The following OR3A2 variants were observed in gnomAD, a reference collection of about 807,000 sequenced individuals.
The protein encoded by OR3A2 is olfactory receptor 3A2.
For missense variants in OR3A2, 318 were observed against 392.8 expected, an observed-to-expected ratio of 0.81 and a Z score of 1.61; for synonymous variants, 126 against 159.3, an observed-to-expected ratio of 0.79 and a Z score of 1.57.
At chr17:3,377,153 CTGTAGTGATTCT>C (rs1381690982) in intron 2 of OR3A2, among the ~76,000 whole-genome samples, 2 of 152,134 alleles carry the variant, frequency 1.3e-5, no homozygotes, top group Non-Finnish European at 2.9e-5. Context: ...TTGTATCTTC[CTGTAGTGATTCT>C]TGTAGAGAAA....
At chr17:3,358,582 T>C (rs1166908736) in intron 2 of OR3A2, among the ~76,000 whole-genome samples, 3 of 151,748 alleles carry the variant, frequency 2.0e-5, no homozygotes, top group African/African-American at 7.3e-5. Flanking sequence ...TGTAATTGCA[T>C]GGTTTTGAGT....
intron 2 of OR3A2, among the ~76,000 whole-genome samples, chr17:3,339,134 C>T (rs1386311467): frequency 7.2e-5 from 11 of 152,170 alleles, no homozygotes; most frequent in Non-Finnish European, 1.0e-4. Context: ...TGAGACTTTG[C>T]TGAAGTTGCT....
At chr17:3,342,305 G>T (rs1466048311) in intron 2 of OR3A2, among the ~76,000 whole-genome samples, 6 of 152,156 alleles carry the variant, frequency 3.9e-5, no homozygotes, top group African/African-American at 1.4e-4. Context: ...GCTTTGTTCT[G>T]TTGCTGGCGA....
rs578110635 is a variant in OR3A2, at chr17:3,301,608, G to A, written c.-84-22455C>T. On this transcript the variant is annotated intron_variant, in intron 3 of 4. Transcript: ENST00000573491. Reference sequence around the variant, plus strand: ...TGGATATTAGCCCTTTGTCAGATGAGTAGATTGCAAAAATTTTCTCCCATT... The same window carrying A: ...TGGATATTAGCCCTTTGTCAGATGAATAGATTGCAAAAATTTTCTCCCATT... Among the ~76,000 whole-genome samples, 4 of 152,258 alleles carry A rather than the reference G, an allele frequency of 2.6e-5. No individual in the cohort carries two copies. The East Asian group carries it at 7.7e-4, about 29-fold the overall frequency.
intron 3 of OR3A2, among the ~76,000 whole-genome samples, chr17:3,294,329 CA>C (rs1357744188): frequency 6.6e-6 from 1 of 150,998 alleles, no homozygotes; most frequent in East Asian, 2.0e-4. Context: ...ATTACTATAC[CA>C]AAAAAACCAA....
intron 2 of OR3A2, among the ~76,000 whole-genome samples, chr17:3,369,335 T>C (rs2049591082): frequency 6.6e-6 from 1 of 152,218 alleles, no homozygotes; most frequent in Admixed American, 6.5e-5. Flanking sequence ...GGGAAGGCTT[T>C]CAACTTTTCC....
upstream of OR3A2, among the ~76,000 whole-genome samples, chr17:3,287,112 A>G (rs552291617): frequency 2.0e-5 from 3 of 152,314 alleles, no homozygotes; most frequent in Admixed American, 2.0e-4. Context: ...GAGATATCCA[A>G]CCTAAACCCT....
At chr17:3,322,469 A>G (rs979315004) in intron 3 of OR3A2, among the ~76,000 whole-genome samples, 30 of 152,098 alleles carry the variant, frequency 2.0e-4, no homozygotes, top group East Asian at 3.9e-4. Flanking sequence ...ATGTTAGGGC[A>G]TCAATTTTAG....
At chr17:3,289,519 CAGATCTTTGGAGAT>C (rs2048845523) in intron 3 of OR3A2, among the ~76,000 whole-genome samples, 2 of 152,204 alleles carry the variant, frequency 1.3e-5, no homozygotes, top group Non-Finnish European at 2.9e-5. Context: ...CCAGAGGCAC[CAGATCTTTGGAGAT>C]AAACAGCAGG....
At chr17:3,349,064 C>A (rs2049395586) in intron 2 of OR3A2, among the ~76,000 whole-genome samples, 1 of 152,088 alleles carries the variant, frequency 6.6e-6, no homozygotes, top group Non-Finnish European at 1.5e-5. Context: ...CCGGTACCAG[C>A]TGCTGCAAAA....
At chr17:3,302,707 C>T (rs908752040) in intron 3 of OR3A2, among the ~76,000 whole-genome samples, 1 of 152,184 alleles carries the variant, frequency 6.6e-6, no homozygotes, top group African/African-American at 2.4e-5. Context: ...ATGCCTCCAC[C>T]TGCAGGATGT....
intron 2 of OR3A2, among the ~76,000 whole-genome samples, chr17:3,364,149 G>A (rs1305927539): frequency 6.6e-6 from 1 of 152,154 alleles, no homozygotes; most frequent in African/African-American, 2.4e-5. Context: ...AATTTTAAAA[G>A]CTAAGGTCCT....
At position 3,316,107 on chromosome 17, in the gene OR3A2, T is replaced by A. The variant is rs143383260; in HGVS notation, c.-85+19926A>T. 6.0e-4 allele frequency among the ~76,000 whole-genome samples: 91 copies of A among 152,226 alleles called. 1 individual carries two copies. The highest frequency in any genetic ancestry group is 4.4e-3 in the South Asian group (21 of 4,826). ...ACAACCTGTCCCCCCAGCACCCACTTCCCTATTGCACAGTTTTGAATCTTT... is the reference window on the plus strand; with the variant it reads ...ACAACCTGTCCCCCCAGCACCCACTACCCTATTGCACAGTTTTGAATCTTT... On this transcript the variant is annotated intron_variant, in intron 3 of 4. Transcript: ENST00000573491.
intron 2 of OR3A2, among the ~76,000 whole-genome samples, chr17:3,379,344 A>C (rs2049713602): frequency 6.6e-6 from 1 of 152,156 alleles, no homozygotes; most frequent in African/African-American, 2.4e-5. Context: ...GCTTCAGAAC[A>C]AGGAACAGAA....
chr17:3,373,660 C>G (rs981208625), intron 2 of OR3A2, among the ~76,000 whole-genome samples: 3 of 152,104 alleles, frequency 2.0e-5, no homozygotes, highest in Admixed American at 2.0e-4. Flanking sequence ...TTTTTCCACC[C>G]CTTTACCTTA....
chr17:3,383,032 A>G (rs890362069), intron 2 of OR3A2, among the ~76,000 whole-genome samples: 5 of 152,216 alleles, frequency 3.3e-5, no homozygotes, highest in African/African-American at 1.2e-4. Flanking sequence ...GTTAACATGG[A>G]CAAAGCAGAG....
At chr17:3,376,989 T>A (rs1474416534) in intron 2 of OR3A2, among the ~76,000 whole-genome samples, 2 of 152,212 alleles carry the variant, frequency 1.3e-5, no homozygotes, top group Non-Finnish European at 2.9e-5. Flanking sequence ...TTCTCTCCCA[T>A]GATCTGATTT....
At chr17:3,339,710 A>C (rs2049300934) in intron 2 of OR3A2, among the ~76,000 whole-genome samples, 1 of 152,184 alleles carries the variant, frequency 6.6e-6, no homozygotes. Flanking sequence ...ATCAATGTTC[A>C]TCAGGGATAT....
chr17:3,277,505 G>A (rs1379598501), exon 2 of OR3A2: 1 of 159,128 alleles, frequency 6.3e-6, no homozygotes, highest in Non-Finnish European at 1.4e-5. Flanking sequence ...GACATTCTTT[G>A]TAGAATGCTG....
Sources: allele counts gnomAD v4.1 joint callset (sites outside exome capture counted in the v4.1 genomes callset), GRCh38; gene constraint gnomAD v4.1.1; transcripts MANE v1.5; gene names NCBI Gene and HGNC (gene_info 2026-07-23, HGNC 2026-07-21).